Variants in TMEM132D observed in about 807,000 individuals in gnomAD.
TMEM132D encodes mature OL transmembrane protein.
TMEM132D carries 21 observed loss-of-function variants against 62.3 expected under a neutral mutation model. That is an observed-to-expected ratio of 0.34 (90% confidence interval 0.24 to 0.49). The LOEUF (loss-of-function observed/expected upper bound fraction) is 0.49, where lower values mean the gene tolerates loss of function less well. Ranked by LOEUF, TMEM132D falls within the 20% of genes least tolerant of loss-of-function variation. The probability of loss-of-function intolerance (pLI) is 0.99; values close to 1 mark genes in which losing one functional copy is unlikely to be tolerated. For synonymous variants in TMEM132D, 621 were observed against 575.6 expected (o/e 1.08, Z -1.13); for missense variants, 1,346 against 1,402.8 (o/e 0.96, Z 0.65).
At chr12:129,516,455 C>T (rs369144059) in intron 3 of TMEM132D, among the ~76,000 whole-genome samples, 4 of 152,276 alleles carry the variant, frequency 2.6e-5, no homozygotes, top group East Asian at 3.9e-4. Context: ...ACAATCATGG[C>T]AGAAGGTGAA....
chr12:129,484,742 AAAAG>A (rs1236665021), intron 3 of TMEM132D, among the ~76,000 whole-genome samples: 1 of 152,234 alleles, frequency 6.6e-6, no homozygotes, highest in African/African-American at 2.4e-5. Flanking sequence ...ATGGAAACTT[AAAAG>A]ATTATTAACT....
chr12:129,767,654 T>C (rs1395441508), intron 1 of TMEM132D, among the ~76,000 whole-genome samples: 1 of 152,216 alleles, frequency 6.6e-6, no homozygotes, highest in Admixed American at 6.5e-5. Flanking sequence ...ATCATCCATG[T>C]TGTAGCATGT....
chr12:129,605,165 T>C (rs979514998), intron 2 of TMEM132D, among the ~76,000 whole-genome samples: 1 of 152,092 alleles, frequency 6.6e-6, no homozygotes, highest in African/African-American at 2.4e-5. Flanking sequence ...TGTCATGTAT[T>C]TTGTAGTTTG....
At chr12:129,576,412 A>G (rs1877659337) in intron 2 of TMEM132D, among the ~76,000 whole-genome samples, 1 of 151,812 alleles carries the variant, frequency 6.6e-6, no homozygotes, top group Admixed American at 6.6e-5. Context: ...GAATATATAT[A>G]TGTATATATT....
chr12:129,432,819 T>C (rs1872697888), intron 3 of TMEM132D, among the ~76,000 whole-genome samples: 1 of 152,224 alleles, frequency 6.6e-6, no homozygotes, highest in Non-Finnish European at 1.5e-5. Flanking sequence ...GCATGAATCA[T>C]TAGTGTGCAG....
At chr12:129,814,645 A>G (rs1357627820) in intron 1 of TMEM132D, among the ~76,000 whole-genome samples, 3 of 151,340 alleles carry the variant, frequency 2.0e-5, no homozygotes, top group Non-Finnish European at 4.4e-5. Flanking sequence ...AATAAAAAAC[A>G]TCTGAAGTTC....
intron 5 of TMEM132D, among the ~76,000 whole-genome samples, chr12:129,089,420 A>C (rs771183332): frequency 6.2e-5 from 3 of 48,482 alleles, no homozygotes; most frequent in South Asian, 7.4e-4. Context: ...GATGTCCTCC[A>C]TGACCGGGGT....
At chr12:129,197,874 T>A (rs756020908) in intron 5 of TMEM132D, among the ~76,000 whole-genome samples, 2 of 152,176 alleles carry the variant, frequency 1.3e-5, no homozygotes, top group Non-Finnish European at 2.9e-5. Context: ...GAGAAAATAT[T>A]TGCAAGCCAT....
chr12:129,858,944 G>A (rs1464414119), intron 1 of TMEM132D, among the ~76,000 whole-genome samples: 1 of 131,894 alleles, frequency 7.6e-6, no homozygotes, highest in African/African-American at 3.0e-5. Flanking sequence ...CCGGGGGAAC[G>A]GGATGGGTGC....
chr12:129,373,755 C>T (rs754290955), intron 3 of TMEM132D, among the ~76,000 whole-genome samples: 1 of 152,202 alleles, frequency 6.6e-6, no homozygotes, highest in Non-Finnish European at 1.5e-5. Flanking sequence ...ATCTGTACTG[C>T]ATTTAGGCTA....
chr12:129,828,779 AAAAGGAG>A (rs1872741330), intron 1 of TMEM132D, among the ~76,000 whole-genome samples: 1 of 5,110 alleles, frequency 2.0e-4, no homozygotes, highest in Non-Finnish European at 3.8e-4. Flanking sequence ...AGGGAGGAAG[AAAAGGAG>A]GGAGGGAGGG....
intron 3 of TMEM132D, among the ~76,000 whole-genome samples, chr12:129,431,978 G>A (rs886438941): frequency 2.6e-5 from 4 of 152,322 alleles, no homozygotes; most frequent in African/African-American, 9.6e-5. Context: ...CTGCTCAGAT[G>A]TTGCAACGTC....
At chr12:129,135,057 G>A (rs139375433) in intron 5 of TMEM132D, among the ~76,000 whole-genome samples, 103 of 152,254 alleles carry the variant, frequency 6.8e-4, no homozygotes, top group African/African-American at 1.9e-3. Context: ...ATGGAATTGC[G>A]TGTGGTCATA....
intron 3 of TMEM132D, chr12:129,521,707 A>G (rs966796169): frequency 2.0e-4 from 31 of 152,170 alleles, no homozygotes; most frequent in Admixed American, 1.8e-3. Flanking sequence ...TGTTTTCTCA[A>G]CGCTTCTGTC....
intron 8 of TMEM132D, among the ~76,000 whole-genome samples, chr12:129,077,812 C>T (rs1593252160): frequency 6.6e-6 from 1 of 151,944 alleles, no homozygotes; most frequent in South Asian, 2.1e-4. Context: ...AACACAAGCA[C>T]ACATGCAACA....
At chr12:129,455,311 T>C (rs1873432071) in intron 3 of TMEM132D, among the ~76,000 whole-genome samples, 1 of 152,224 alleles carries the variant, frequency 6.6e-6, no homozygotes, top group Admixed American at 6.5e-5. Flanking sequence ...AGGCTTTGCA[T>C]CCTTGGACAA....
intron 1 of TMEM132D, among the ~76,000 whole-genome samples, chr12:129,750,214 T>G (rs141192830): frequency 0.014 from 2,087 of 152,126 alleles, 50 homozygotes; most frequent in African/African-American, 0.046. Context: ...GCCTCCCAGA[T>G]AGCTGGGATT....
intron 5 of TMEM132D, among the ~76,000 whole-genome samples, chr12:129,120,445 T>C (rs1028610684): frequency 1.3e-5 from 2 of 152,166 alleles, no homozygotes; most frequent in South Asian, 2.1e-4. Flanking sequence ...TCCAGTCTAA[T>C]CATGAGAAAG....
chr12:129,084,500 C>G lies in TMEM132D; in HGVS notation c.1646G>C (p.Arg549Thr), dbSNP rs867767964. Residue 549 changes from arginine to threonine, a missense_variant, in exon 6 of 9, where the codon AGG becomes ACG. By Grantham distance (71) the Arg-to-Thr change is moderately conservative (BLOSUM62 -1). Transcript: ENST00000422113. ...KGWRVPIVSSRRPAGDSEEEE... is the reference protein window; with the variant it reads ...KGWRVPIVSSTRPAGDSEEEE... ...GGAGTTTCAGGGACATACCCACCTC[C>G]TGCTGGAGACGATGGGCACTCTCCA... 2.5e-6 allele frequency: 4 copies of G among 1,591,916 alleles called. 1 individual carries two copies. The highest frequency in any genetic ancestry group is 8.6e-7 in the Non-Finnish European group (1 of 1,168,932).
Sources: gnomAD v4.1 joint callset for allele counts (sites outside exome capture counted in the v4.1 genomes callset) on GRCh38, gnomAD v4.1.1 for gene constraint, MANE v1.5 for transcripts, NCBI Gene and HGNC (gene_info 2026-07-23, HGNC 2026-07-21) for gene names.